CATSPERE: variants seen among roughly 807,000 people sequenced by gnomAD.
The protein encoded by CATSPERE is cation channel sperm-associated auxiliary subunit epsilon.
A neutral mutation model predicts 114.1 loss-of-function variants in CATSPERE; 93 were observed. That is an observed-to-expected ratio of 0.81 (90% CI 0.69 to 0.97). CATSPERE has a LOEUF of 0.97. Among genes scored for constraint, CATSPERE ranks in the 50% least tolerant of loss-of-function variants. The pLI, the probability that CATSPERE is intolerant of heterozygous loss-of-function variation, is 0.00. For synonymous variants in CATSPERE, 341 were observed against 384.1 expected, an observed-to-expected ratio of 0.89 and a Z score of 1.31; for missense variants, 1,058 against 1,131.6, an observed-to-expected ratio of 0.93 and a Z score of 0.93.
intron 15 of CATSPERE, among the ~76,000 whole-genome samples, chr1:244,592,256 T>A (rs1231464386): frequency 1.3e-5 from 2 of 152,154 alleles, no homozygotes; most frequent in African/African-American, 4.8e-5. Flanking sequence ...TAGTTAGAAG[T>A]AATATATTTA....
At chr1:244,498,119 G>A (rs3006028) in intron 6 of CATSPERE, among the ~76,000 whole-genome samples, 2,020 of 152,236 alleles carry the variant, frequency 0.013, 56 homozygotes, top group African/African-American at 0.046. Flanking sequence ...AGAAACAAAC[G>A]TTTATCAGTA....
At position 244,505,542 on chromosome 1, in the gene CATSPERE, A is replaced by G. The variant is rs545599851; in HGVS notation, c.429+6463A>G. ...GGCTTCAACCCTAATCTATGACCAC[A>G]TTAATCATTCTGGACTCCTTGCTTG... On this transcript the variant is annotated intron_variant, in intron 7 of 21. Transcript: ENST00000366534. Among the ~76,000 whole-genome samples the G allele has an allele frequency of 2.0e-5, 3 of 152,308 alleles. No homozygotes were observed. In the South Asian group the frequency reaches 6.2e-4, roughly 32 times the overall value.
At chr1:244,565,640 CTTT>C (rs1005240347) in intron 10 of CATSPERE, among the ~76,000 whole-genome samples, 5 of 152,058 alleles carry the variant, frequency 3.3e-5, no homozygotes, top group East Asian at 1.9e-4. Flanking sequence ...CTCCTTTCTT[CTTT>C]ATTAGGCTGA....
At chr1:244,605,668 T>A in intron 17 of CATSPERE, 27 bp from the exon 18 acceptor site, 1 of 1,468,072 alleles carries the variant, frequency 6.8e-7, no homozygotes, top group African/African-American at 1.4e-5. Flanking sequence ...ATTAAACTAG[T>A]ATCTTTCTGT....
chr1:244,481,511 A>G (rs1016613836), intron 5 of CATSPERE, among the ~76,000 whole-genome samples: 2 of 152,196 alleles, frequency 1.3e-5, no homozygotes, highest in African/African-American at 2.4e-5. Context: ...ATTGTAAAAA[A>G]GGACCTGCCC....
intron 2 of CATSPERE, among the ~76,000 whole-genome samples, chr1:244,466,173 A>C (rs1436394385): frequency 6.6e-6 from 1 of 152,156 alleles, no homozygotes; most frequent in Non-Finnish European, 1.5e-5. Context: ...ATTTTGGGAA[A>C]ACCCCACACG....
chr1:244,552,864 G>C, intron 9 of CATSPERE, 50 bp downstream of exon 9: 1 of 979,040 alleles, frequency 1.0e-6, no homozygotes, highest in East Asian at 3.6e-5. Context: ...ATTTTACAAA[G>C]GTATTTACCA....
At chr1:244,622,465 G>A (rs1007265453) in intron 20 of CATSPERE, among the ~76,000 whole-genome samples, 40 of 145,492 alleles carry the variant, frequency 2.7e-4, no homozygotes, top group East Asian at 4.0e-4. Context: ...GTGCAGTGGC[G>A]TGATCTCAGC....
chr1:244,603,012 G>A (rs1421940848), intron 17 of CATSPERE, among the ~76,000 whole-genome samples: 1 of 152,114 alleles, frequency 6.6e-6, no homozygotes, highest in Non-Finnish European at 1.5e-5. Context: ...AGGAGAGGCA[G>A]GGTAAGCATG....
chr1:244,621,052 ATATATATAAATATATATAAAAT>A (rs1672071519), intron 20 of CATSPERE, among the ~76,000 whole-genome samples: 2 of 81,450 alleles, frequency 2.5e-5, no homozygotes, highest in African/African-American at 7.0e-5. Context: ...ATATATATAA[ATATATATAAATATATATAAAAT>A]ATATATATAA....
intron 17 of CATSPERE, among the ~76,000 whole-genome samples, chr1:244,600,430 GTAA>G (rs1248342486): frequency 1.3e-5 from 2 of 151,564 alleles, no homozygotes; most frequent in Non-Finnish European, 2.9e-5. Context: ...AAGGAAGGTT[GTAA>G]CCTACATGAA....
chr1:244,456,552 A>T (rs1666183145), upstream of CATSPERE, among the ~76,000 whole-genome samples: 1 of 152,232 alleles, frequency 6.6e-6, no homozygotes, highest in Admixed American at 6.5e-5. Context: ...TTGGAAATAA[A>T]GACAGTTTTA....
chr1:244,453,736 G>T (rs1182477709), upstream of CATSPERE, among the ~76,000 whole-genome samples: 3 of 152,318 alleles, frequency 2.0e-5, no homozygotes, highest in South Asian at 6.2e-4. Flanking sequence ...CTATCACAGG[G>T]TGTCTGTCTG....
At chr1:244,510,835 CTTT>C (rs747921082) in intron 7 of CATSPERE, among the ~76,000 whole-genome samples, 93 of 48,318 alleles carry the variant, frequency 1.9e-3, no homozygotes, top group African/African-American at 5.9e-3. Flanking sequence ...TTTTCTTTTT[CTTT>C]TTTTTTTTTT....
At chr1:244,464,776 A>G (rs1009255221) in intron 2 of CATSPERE, among the ~76,000 whole-genome samples, 2 of 152,030 alleles carry the variant, frequency 1.3e-5, no homozygotes, top group African/African-American at 4.8e-5. Flanking sequence ...CTCTTCGCAT[A>G]TTATGTAGGC....
intron 8 of CATSPERE, among the ~76,000 whole-genome samples, chr1:244,544,896 G>C (rs1315304150): frequency 6.6e-6 from 1 of 152,022 alleles, no homozygotes; most frequent in African/African-American, 2.4e-5. Flanking sequence ...TTCCATCCCT[G>C]TCTATGAGGC....
chr1:244,581,691 G>A (rs1363556156), intron 11 of CATSPERE, 105 bp from the exon 12 acceptor site: 1 of 578,236 alleles, frequency 1.7e-6, no homozygotes, highest in Non-Finnish European at 3.2e-6. Context: ...ATACCCTAAT[G>A]AAGGCATTTT....
intron 9 of CATSPERE, among the ~76,000 whole-genome samples, chr1:244,554,067 A>C (rs1161621211): frequency 1.3e-5 from 2 of 152,110 alleles, no homozygotes; most frequent in Non-Finnish European, 2.9e-5. Flanking sequence ...TTATCCACTC[A>C]TCCATTGATG....
intron 17 of CATSPERE, chr1:244,598,305 A>C (rs557151194): frequency 6.6e-6 from 1 of 152,654 alleles, no homozygotes; most frequent in African/African-American, 2.4e-5. Context: ...GGGCTGCCCA[A>C]CAAAAATATT....
Sources: gnomAD v4.1 joint callset for allele counts (sites outside exome capture counted in the v4.1 genomes callset) on GRCh38, gnomAD v4.1.1 for gene constraint, MANE v1.5 for transcripts, NCBI Gene and HGNC (gene_info 2026-07-23, HGNC 2026-07-21) for gene names.